The following HS3ST4 variants were observed in gnomAD, a reference collection of about 807,000 sequenced individuals.
HS3ST4 encodes heparan sulfate glucosamine 3-O-sulfotransferase 4.
HS3ST4 carries 17 observed loss-of-function variants against 29.2 expected under a neutral mutation model. That is an observed-to-expected ratio of 0.58 (90% CI 0.40 to 0.87). The LOEUF (loss-of-function observed/expected upper bound fraction) is 0.87, where lower values mean the gene tolerates loss of function less well. Ranked by LOEUF, HS3ST4 falls within the 40% of genes least tolerant of loss-of-function variation. HS3ST4 has a pLI of 0.00. For missense variants in HS3ST4, 627 were observed against 634.5 expected, an observed-to-expected ratio of 0.99 and a Z score of 0.13; for synonymous variants, 314 against 285.7, an observed-to-expected ratio of 1.10 and a Z score of -1.00.
intron 1 of HS3ST4, among the ~76,000 whole-genome samples, chr16:25,743,661 A>G (rs7187570): frequency 0.57 from 85,840 of 151,898 alleles, 24,596 homozygotes; most frequent in Non-Finnish European, 0.62. Flanking sequence ...GTGCTTCACC[A>G]TGACCATCTA....
intron 1 of HS3ST4, among the ~76,000 whole-genome samples, chr16:26,101,747 A>G (rs1898992381): frequency 6.6e-6 from 1 of 152,174 alleles, no homozygotes; most frequent in African/African-American, 2.4e-5. Flanking sequence ...GGAATAGATG[A>G]TGGTTGAATG....
intron 1 of HS3ST4, among the ~76,000 whole-genome samples, chr16:25,921,946 G>C (rs1968359121): frequency 6.6e-6 from 1 of 151,900 alleles, no homozygotes; most frequent in South Asian, 2.1e-4. Context: ...GTAGAGATGG[G>C]GTTTTGCCAT....
chr16:26,067,695 G>C (rs1653512663), intron 1 of HS3ST4, among the ~76,000 whole-genome samples: 1 of 152,182 alleles, frequency 6.6e-6, no homozygotes, highest in South Asian at 2.1e-4. Context: ...GATATGGTTT[G>C]GCTGTGTCCC....
chr16:26,000,177 T>G (rs2141733261), intron 1 of HS3ST4, among the ~76,000 whole-genome samples: 1 of 152,068 alleles, frequency 6.6e-6, no homozygotes, highest in South Asian at 2.1e-4. Context: ...ATTTACCAGC[T>G]TATGCAACTA....
intron 1 of HS3ST4, among the ~76,000 whole-genome samples, chr16:25,738,394 T>G (rs1329553693): frequency 2.0e-5 from 3 of 152,210 alleles, no homozygotes; most frequent in African/African-American, 7.2e-5. Context: ...TAGTCCAATC[T>G]TGTTTCTAAC....
intron 1 of HS3ST4, among the ~76,000 whole-genome samples, chr16:25,749,327 C>G (rs1281896398): frequency 6.6e-6 from 1 of 151,996 alleles, no homozygotes; most frequent in Non-Finnish European, 1.5e-5. Flanking sequence ...AACCCTGTCT[C>G]TACTAAAAAT....
intron 1 of HS3ST4, among the ~76,000 whole-genome samples, chr16:25,941,638 G>A (rs759563262): frequency 2.0e-5 from 3 of 152,046 alleles, no homozygotes; most frequent in Non-Finnish European, 2.9e-5. Context: ...GTGCGGTGGT[G>A]CAATCTCGGC....
In HS3ST4 at chr16:26,051,993, A is replaced by G. The variant is rs144976629; in HGVS notation, c.735-83619A>G. On this transcript the variant is annotated intron_variant, in intron 1 of 1. Transcript: ENST00000331351. The stretch of plus-strand genomic sequence containing the variant: ...CCCAAGACAGGTCATAGAAACCAGA[A>G]CTCCTCTTTCCTAAAGCCAGCCATG... 4.4e-3 allele frequency among the ~76,000 whole-genome samples: 654 copies of G among 148,944 alleles called. 5 individuals are homozygous for G. Among genetic ancestry groups the G allele is most frequent in the African/African-American group, 0.015 (599 of 40,208 alleles).
chr16:25,808,762 A>G (rs1053981901), intron 1 of HS3ST4, among the ~76,000 whole-genome samples: 1 of 152,030 alleles, frequency 6.6e-6, no homozygotes, highest in Non-Finnish European at 1.5e-5. Context: ...ATGTCTTTTC[A>G]CTTATTTAGC....
chr16:26,024,835 A>G (rs1969451419), intron 1 of HS3ST4, among the ~76,000 whole-genome samples: 1 of 152,188 alleles, frequency 6.6e-6, no homozygotes, highest in African/African-American at 2.4e-5. Context: ...ACAGAGTGTA[A>G]TCTAGCACAG....
chr16:25,754,984 GTCATCCATCCATCTACCCA>G (rs1243224045), intron 1 of HS3ST4, among the ~76,000 whole-genome samples: 4 of 150,854 alleles, frequency 2.7e-5, no homozygotes, highest in Admixed American at 2.0e-4. Context: ...CACCCACCCA[GTCATCCATCCATCTACCCA>G]TCATCCATCC....
intron 1 of HS3ST4, among the ~76,000 whole-genome samples, chr16:25,865,679 G>C (rs752163527): frequency 4.7e-4 from 72 of 152,264 alleles, no homozygotes; most frequent in Non-Finnish European, 9.4e-4. Context: ...TCAATTTATG[G>C]CTAGTTGATC....
intron 1 of HS3ST4, among the ~76,000 whole-genome samples, chr16:26,127,662 G>T (rs1463052114): frequency 6.6e-6 from 1 of 152,162 alleles, no homozygotes; most frequent in East Asian, 1.9e-4. Flanking sequence ...CATACGAGCT[G>T]TGTGATCTTA....
intron 1 of HS3ST4, among the ~76,000 whole-genome samples, chr16:26,081,088 A>T (rs1286781163): frequency 2.0e-5 from 3 of 152,068 alleles, no homozygotes; most frequent in Non-Finnish European, 4.4e-5. Flanking sequence ...GGAGTTTGAG[A>T]CCAGCCTGGA....
At chr16:26,098,273 A>C (rs1005012333) in intron 1 of HS3ST4, among the ~76,000 whole-genome samples, 1 of 152,230 alleles carries the variant, frequency 6.6e-6, no homozygotes, top group Non-Finnish European at 1.5e-5. Flanking sequence ...TACTATAACG[A>C]CATATGCACC....
intron 1 of HS3ST4, among the ~76,000 whole-genome samples, chr16:26,049,166 T>G (rs1350915869): frequency 1.3e-5 from 2 of 152,052 alleles, no homozygotes; most frequent in Non-Finnish European, 1.5e-5. Flanking sequence ...GGTAGTCATG[T>G]GTTTAAAAAG....
intron 1 of HS3ST4, among the ~76,000 whole-genome samples, chr16:25,787,503 G>A (rs554570486): frequency 6.6e-6 from 1 of 152,298 alleles, no homozygotes; most frequent in Admixed American, 6.5e-5. Flanking sequence ...GACCCTTGTA[G>A]GGATTTGAGT....
chr16:26,083,325 G>A (rs1185599637), intron 1 of HS3ST4, among the ~76,000 whole-genome samples: 2 of 152,232 alleles, frequency 1.3e-5, no homozygotes, highest in Non-Finnish European at 2.9e-5. Flanking sequence ...AATCGAGTGA[G>A]CTGCATTGAT....
intron 1 of HS3ST4, among the ~76,000 whole-genome samples, chr16:25,735,421 A>G (rs1966601765): frequency 6.8e-6 from 1 of 147,750 alleles, no homozygotes; most frequent in South Asian, 2.1e-4. Context: ...GGGGATCTTT[A>G]TTTGTCACCC....
Sources: allele counts gnomAD v4.1 joint callset (sites outside exome capture counted in the v4.1 genomes callset), GRCh38; gene constraint gnomAD v4.1.1; transcripts MANE v1.5; gene names NCBI Gene and HGNC (gene_info 2026-07-23, HGNC 2026-07-21).